The following CMKLR1 variants were observed in gnomAD, a reference collection of about 807,000 sequenced individuals.
CMKLR1 encodes chemerin chemokine-like receptor 1.
Under a neutral mutation model 8.2 loss-of-function variants are expected in CMKLR1, and 6 were observed. The ratio of observed to expected loss-of-function variants is 0.73; its 90% CI spans 0.40 to 1.44. CMKLR1 has a LOEUF of 1.44. Among genes scored for constraint, CMKLR1 ranks in the 40% most tolerant of loss-of-function variants. The pLI, the probability that CMKLR1 is intolerant of heterozygous loss-of-function variation, is 0.02. For synonymous variants in CMKLR1, 178 were observed against 181.2 expected, an observed-to-expected ratio of 0.98 and a Z score of 0.14; for missense variants, 429 against 478.0, an observed-to-expected ratio of 0.90 and a Z score of 0.96.
chr12:108,295,498 G>A (rs1055863075), intron 2 of CMKLR1, among the ~76,000 whole-genome samples: 2 of 152,240 alleles, frequency 1.3e-5, no homozygotes, highest in Non-Finnish European at 2.9e-5. Flanking sequence ...TTCCCAAAAG[G>A]AGCTCACAGG....
In CMKLR1 at chr12:108,292,058, G is replaced by C. The variant is rs774839942; in HGVS notation, c.905C>G (p.Thr302Ser). Residue 302 changes from threonine to serine, a missense_variant, in exon 4 of 4, where the codon ACT becomes AGT. By Grantham distance (58) the Thr-to-Ser change is moderately conservative (BLOSUM62 1). Coordinates refer to ENST00000550402, the MANE Select transcript of CMKLR1 (RefSeq NM_001142343.2). ...GCAGCTGTTGGCAATGGCAAGGGCA[G>C]TGGCCAGGGGCAAACCCAGGCTGAA... is the stretch of plus-strand genomic sequence containing the variant. ...SVFSLGLPLATALAIANSCMN... is the reference protein window; with the variant it reads ...SVFSLGLPLASALAIANSCMN... 15 of 1,614,110 alleles carry C rather than the reference G, an allele frequency of 9.3e-6. No homozygotes were observed. The African/African-American group carries it at 1.9e-4, about 20-fold the overall frequency.
At chr12:108,334,314 CAG>C (rs1330692202) in intron 1 of CMKLR1, among the ~76,000 whole-genome samples, 3 of 152,268 alleles carry the variant, frequency 2.0e-5, no homozygotes, top group Non-Finnish European at 4.4e-5. Context: ...CATTTTCTCA[CAG>C]TGCTGCAGCT....
chr12:108,312,784 G>A (rs1005248110), intron 2 of CMKLR1, among the ~76,000 whole-genome samples: 3 of 152,084 alleles, frequency 2.0e-5, no homozygotes, highest in Non-Finnish European at 4.4e-5. Flanking sequence ...CATATCAGTT[G>A]TCCCCACCTG....
chr12:108,321,411 G>A (rs1057168130), intron 2 of CMKLR1, among the ~76,000 whole-genome samples: 1 of 152,142 alleles, frequency 6.6e-6, no homozygotes, highest in Non-Finnish European at 1.5e-5. Flanking sequence ...CAGCCTGGGT[G>A]ACAGAGTGAG....
intron 2 of CMKLR1, among the ~76,000 whole-genome samples, chr12:108,308,874 G>T (rs1407455004): frequency 2.0e-5 from 3 of 152,162 alleles, no homozygotes; most frequent in Admixed American, 2.0e-4. Flanking sequence ...TGAGTACTGG[G>T]GTTGCAGCAG....
At chr12:108,311,839 G>A (rs572404853) in intron 2 of CMKLR1, among the ~76,000 whole-genome samples, 13 of 152,272 alleles carry the variant, frequency 8.5e-5, no homozygotes, top group South Asian at 4.1e-4. Context: ...CTGGGGGCAC[G>A]GAAGGACTGC....
At chr12:108,301,071 CTTTTTTT>C (rs11303250) in intron 2 of CMKLR1, among the ~76,000 whole-genome samples, 8 of 90,392 alleles carry the variant, frequency 8.9e-5, no homozygotes, top group Non-Finnish European at 1.7e-4. Flanking sequence ...CCACCCAAGT[CTTTTTTT>C]TTTTTTTTTT....
In CMKLR1 at chr12:108,330,219, G is replaced by C. The variant is rs556441716; in HGVS notation, c.-286-12C>G. 1 of 152,322 alleles carries C rather than the reference G, an allele frequency of 6.6e-6. No individual in the cohort carries two copies. Among genetic ancestry groups the C allele is most frequent in the Admixed American group, 6.5e-5 (1 of 15,300 alleles). 9.4% of individuals were successfully genotyped at this position (152,322 alleles called of 1,614,324 possible). A position where few individuals can be genotyped will look rare whatever the true frequency, so the allele number is the denominator to read the frequency against. On this transcript the variant is annotated splice_polypyrimidine_tract_variant and intron_variant, in intron 1 of 3. Coordinates refer to ENST00000550402, the MANE Select transcript of CMKLR1 (RefSeq NM_001142343.2). The stretch of plus-strand genomic sequence containing the variant: ...GCTGGAGAGATGGGCTACAGAGAGA[G>C]AGAAAGAGAGAAACAGAGCACACAA...
chr12:108,329,181 G>A (rs1314544064), intron 2 of CMKLR1, among the ~76,000 whole-genome samples: 1 of 152,238 alleles, frequency 6.6e-6, no homozygotes, highest in Non-Finnish European at 1.5e-5. Context: ...GGCAAGGGTT[G>A]GAGGCAGCAG....
At chr12:108,313,372 C>T (rs1296242709) in intron 2 of CMKLR1, among the ~76,000 whole-genome samples, 1 of 152,012 alleles carries the variant, frequency 6.6e-6, no homozygotes, top group Non-Finnish European at 1.5e-5. Flanking sequence ...CAAGGGGTCT[C>T]ACACCCTCAT....
intron 2 of CMKLR1, among the ~76,000 whole-genome samples, chr12:108,324,323 T>C (rs563223065): frequency 5.3e-5 from 8 of 152,150 alleles, no homozygotes; most frequent in Non-Finnish European, 1.2e-4. Context: ...GCTGCCTGGA[T>C]TCAAGCCCTG....
chr12:108,295,845 G>A (rs1009034467), intron 2 of CMKLR1, among the ~76,000 whole-genome samples: 7 of 152,176 alleles, frequency 4.6e-5, no homozygotes, highest in East Asian at 1.9e-4. Context: ...ACATCATGTC[G>A]GGCTCTCTGG....
intron 2 of CMKLR1, among the ~76,000 whole-genome samples, chr12:108,318,122 A>G (rs2137327393): frequency 6.6e-6 from 1 of 152,372 alleles, no homozygotes; most frequent in Middle Eastern, 3.4e-3. Flanking sequence ...AACTAGTCCC[A>G]GGGATGGGCA....
intron 1 of CMKLR1, among the ~76,000 whole-genome samples, chr12:108,335,577 C>T (rs1189630980): frequency 6.6e-6 from 1 of 152,218 alleles, no homozygotes; most frequent in East Asian, 1.9e-4. Flanking sequence ...AGCTGATATA[C>T]CATTCGACCT....
chr12:108,310,948 C>T (rs12309634), intron 2 of CMKLR1, among the ~76,000 whole-genome samples: 3,757 of 150,918 alleles, frequency 0.025, 161 homozygotes, highest in African/African-American at 0.087. Context: ...GTTCGAAGAC[C>T]GCCCCCCCAC....
intron 1 of CMKLR1, among the ~76,000 whole-genome samples, chr12:108,333,078 A>G (rs55831524): frequency 5.9e-5 from 9 of 152,050 alleles, no homozygotes; most frequent in African/African-American, 2.2e-4. Context: ...CCCTCTCTCC[A>G]TTGACTTCCT....
At chr12:108,299,452 C>T (rs1412932457) in intron 2 of CMKLR1, among the ~76,000 whole-genome samples, 4 of 152,156 alleles carry the variant, frequency 2.6e-5, no homozygotes, top group Admixed American at 2.0e-4. Context: ...TTCTAGGAAG[C>T]ATCCCCTCTC....
At chr12:108,331,680 CT>C (rs1017831284) in intron 1 of CMKLR1, among the ~76,000 whole-genome samples, 5 of 152,170 alleles carry the variant, frequency 3.3e-5, no homozygotes, top group Non-Finnish European at 5.9e-5. Context: ...AGCTCAGCGT[CT>C]TTAAAAATGA....
intron 2 of CMKLR1, among the ~76,000 whole-genome samples, chr12:108,304,314 C>T (rs533637946): frequency 6.6e-6 from 1 of 152,306 alleles, no homozygotes; most frequent in Non-Finnish European, 1.5e-5. Flanking sequence ...TCATATGGAT[C>T]CAGGGCCTCA....
Sources: allele counts gnomAD v4.1 joint callset (sites outside exome capture counted in the v4.1 genomes callset), GRCh38; gene constraint gnomAD v4.1.1; transcripts MANE v1.5; gene names NCBI Gene and HGNC (gene_info 2026-07-23, HGNC 2026-07-21).